Variants in MRPL48 observed in about 807,000 individuals in gnomAD.
The protein encoded by MRPL48 is large ribosomal subunit protein mL48.
A neutral mutation model predicts 32.9 loss-of-function variants in MRPL48; 16 were observed. The observed-to-expected ratio is 0.49, with a 90% CI of 0.33 to 0.74. The LOEUF (loss-of-function observed/expected upper bound fraction) is 0.74. MRPL48 is among the 30% of genes least tolerant of loss of function. The pLI, the probability that MRPL48 is intolerant of heterozygous loss-of-function variation, is 0.02. For synonymous variants in MRPL48, 94 were observed against 89.2 expected, an observed-to-expected ratio of 1.05 and a Z score of -0.31; for missense variants, 206 against 245.3, an observed-to-expected ratio of 0.84 and a Z score of 1.07.
At chr11:73,839,611 G>A (rs1444437675) in intron 4 of MRPL48, among the ~76,000 whole-genome samples, 1 of 151,980 alleles carries the variant, frequency 6.6e-6, no homozygotes, top group Non-Finnish European at 1.5e-5. Context: ...CCTATTTCAC[G>A]CCACACACAG....
chr11:73,842,752 T>TGAGCCACC (rs1432950329), intron 4 of MRPL48: 1 of 152,342 alleles, frequency 6.6e-6, no homozygotes, highest in African/African-American at 2.4e-5. Context: ...ATTACAGACG[T>TGAGCCACC]GAGCCACCGC....
At chr11:73,812,168 G>C (rs11235914) in intron 3 of MRPL48, among the ~76,000 whole-genome samples, 14,425 of 152,118 alleles carry the variant, frequency 0.095, 809 homozygotes, top group South Asian at 0.27. Flanking sequence ...TTACAGGTGT[G>C]AGCCACCGCG....
At chr11:73,826,193 A>T (rs181501156) in intron 4 of MRPL48, among the ~76,000 whole-genome samples, 100 of 151,420 alleles carry the variant, frequency 6.6e-4, no homozygotes, top group African/African-American at 1.6e-3. Context: ...ATTAAAAAAA[A>T]TTTTTTTATA....
At chr11:73,799,135 ACTC>A (rs996062050) in intron 1 of MRPL48, among the ~76,000 whole-genome samples, 4 of 151,910 alleles carry the variant, frequency 2.6e-5, no homozygotes, top group African/African-American at 7.3e-5. Flanking sequence ...ATGAGAGTAA[ACTC>A]CTTGTAAGCT....
chr11:73,795,709 T>C (rs1303381327), intron 1 of MRPL48, among the ~76,000 whole-genome samples: 9 of 150,856 alleles, frequency 6.0e-5, no homozygotes, highest in Admixed American at 4.0e-4. Context: ...GGTTTCACTG[T>C]GTTAGCCAGG....
intron 5 of MRPL48, chr11:73,851,094 C>A (rs575008511): frequency 4.0e-6 from 2 of 496,106 alleles, no homozygotes; most frequent in South Asian, 3.0e-5. Flanking sequence ...GCTGTTAGAA[C>A]CTTAGTGTTT....
intron 3 of MRPL48, among the ~76,000 whole-genome samples, chr11:73,816,929 G>C (rs1374924057): frequency 6.6e-6 from 1 of 151,692 alleles, no homozygotes; most frequent in Non-Finnish European, 1.5e-5. Flanking sequence ...AGGTTCAAGT[G>C]ATTCTCCTGC....
intron 3 of MRPL48, among the ~76,000 whole-genome samples, chr11:73,816,282 C>T (rs1272439974): frequency 1.3e-5 from 2 of 148,814 alleles, no homozygotes; most frequent in East Asian, 2.0e-4. Flanking sequence ...AGGATGGTCT[C>T]GATCTCCTGA....
rs77965551 is a variant in MRPL48, at chr11:73,841,515, G to A, written c.202-3292G>A. Among the ~76,000 whole-genome samples, 318 of 152,282 alleles carry A rather than the reference G, an allele frequency of 2.1e-3. 1 individual carries two copies. The highest frequency in any genetic ancestry group is 4.0e-3 in the Non-Finnish European group (272 of 68,028). ...CCTGGTTGAATCTTATGAACCTAAT[G>A]AATGAAAGAAGACGGACACAAAAGA... On this transcript the variant is annotated intron_variant, in intron 4 of 7. Coordinates refer to ENST00000310614, the MANE Select transcript of MRPL48 (RefSeq NM_016055.6).
At chr11:73,839,621 G>C (rs1000752691) in intron 4 of MRPL48, among the ~76,000 whole-genome samples, 5 of 152,098 alleles carry the variant, frequency 3.3e-5, no homozygotes, top group African/African-American at 7.2e-5. Context: ...GCCACACACA[G>C]AAATGACTTA....
intron 5 of MRPL48, among the ~76,000 whole-genome samples, chr11:73,847,646 G>A (rs929352098): frequency 2.0e-5 from 3 of 151,998 alleles, no homozygotes; most frequent in African/African-American, 4.8e-5. Flanking sequence ...GGGTTTCACC[G>A]TGTTAGCCAG....
chr11:73,864,020 T>C (rs1015287794), intron 7 of MRPL48, among the ~76,000 whole-genome samples: 1 of 152,202 alleles, frequency 6.6e-6, no homozygotes. Context: ...CTCAAATGCT[T>C]CTATTGTGAT....
intron 5 of MRPL48, chr11:73,851,132 T>C: frequency 2.2e-6 from 1 of 457,826 alleles, no homozygotes; most frequent in Non-Finnish European, 4.4e-6. Context: ...CTGTCATCAC[T>C]TGTCCTTATC....
rs148727229 is a variant in MRPL48 at position 73,863,058 on chromosome 11, C to T, written c.475-114C>T. The T allele has an allele frequency of 8.7e-4, 777 of 893,090 alleles. 1 individual carries two copies. Among genetic ancestry groups the T allele is most frequent in the Non-Finnish European group, 9.5e-4 (539 of 567,692 alleles). The allele number at this position is 893,090 out of a possible 1,614,324, so 55.3% of individuals were successfully genotyped here. A position where few individuals can be genotyped will look rare whatever the true frequency, so the allele number is the denominator to read the frequency against. ...AACCAGTTTTGGTGTTAATCTTCCA[C>T]GCTTGGGCTCTCCAGACTCTACTGG... On this transcript the variant is annotated intron_variant, in intron 6 of 7. Coordinates refer to ENST00000310614, the MANE Select transcript of MRPL48 (RefSeq NM_016055.6).
At chr11:73,824,726 AAAAG>A (rs1219018718) in intron 3 of MRPL48, among the ~76,000 whole-genome samples, 5 of 152,158 alleles carry the variant, frequency 3.3e-5, no homozygotes, top group Admixed American at 1.3e-4. Context: ...TCAAAAGAAA[AAAAG>A]AAAACCTCAA....
intron 2 of MRPL48, 36 bp downstream of exon 2, chr11:73,805,115 A>G: frequency 6.6e-7 from 1 of 1,518,992 alleles, no homozygotes; most frequent in Non-Finnish European, 8.9e-7. Flanking sequence ...AATATAGGTA[A>G]CATTTGCCTT....
At chr11:73,817,560 G>T (rs1947699728) in intron 3 of MRPL48, among the ~76,000 whole-genome samples, 1 of 152,136 alleles carries the variant, frequency 6.6e-6, no homozygotes, top group South Asian at 2.1e-4. Flanking sequence ...TTTCCCTTGT[G>T]TTTGGAATTT....
intron 3 of MRPL48, among the ~76,000 whole-genome samples, 193 bp downstream of exon 3, chr11:73,808,543 A>G (rs1173906475): frequency 6.6e-6 from 1 of 152,262 alleles, no homozygotes; most frequent in Non-Finnish European, 1.5e-5. Context: ...AGAGCTCTAC[A>G]GTAAGTTTGG....
chr11:73,856,309 T>C (rs17310409), intron 5 of MRPL48, among the ~76,000 whole-genome samples: 4,959 of 152,272 alleles, frequency 0.033, 129 homozygotes, highest in Non-Finnish European at 0.048. Context: ...TTTCTTCTGA[T>C]TTTCATTTCA....
Sources: gnomAD v4.1 joint callset for allele counts (sites outside exome capture counted in the v4.1 genomes callset) on GRCh38, gnomAD v4.1.1 for gene constraint, MANE v1.5 for transcripts, NCBI Gene and HGNC (gene_info 2026-07-23, HGNC 2026-07-21) for gene names.